The following MAD1L1 variants were observed in gnomAD, a reference collection of about 807,000 sequenced individuals.
MAD1L1 encodes the protein mitotic arrest deficient 1 like 1, also known as mitotic spindle assembly checkpoint protein MAD1.
A neutral mutation model predicts 96.9 loss-of-function variants in MAD1L1; 95 were observed. The observed-to-expected ratio is 0.98, with a 90% confidence interval of 0.83 to 1.16. The LOEUF (loss-of-function observed/expected upper bound fraction) is 1.16. Among genes scored for constraint, MAD1L1 ranks in the 50% most tolerant of loss-of-function variants. MAD1L1 has a pLI of 0.00. For missense variants in MAD1L1, 1,007 were observed against 954.4 expected (o/e 1.06, Z -0.73); for synonymous variants, 473 against 396.6 (o/e 1.19, Z -2.29).
intron 11 of MAD1L1, among the ~76,000 whole-genome samples, chr7:2,071,794 G>A (rs1372053087): frequency 2.3e-4 from 35 of 151,914 alleles, no homozygotes; most frequent in Non-Finnish European, 1.2e-4. Context: ...AAACCCAAAG[G>A]TTTTCCACCA....
chr7:1,849,682 G>A (rs902730142), intron 18 of MAD1L1: 40 of 152,310 alleles, frequency 2.6e-4, no homozygotes, highest in African/African-American at 9.4e-4. Flanking sequence ...GCTCCCACCT[G>A]GGCTAAAGGT....
At position 2,079,417 on chromosome 7, in the gene MAD1L1, T is replaced by A. The variant is rs186766439; in HGVS notation, c.1074-10079A>T. On this transcript the variant is annotated intron_variant, in intron 11 of 18. Transcript: ENST00000265854. ...ACCAGAGAATGAGAAGACCAAAGGC[T>A]GAAATAATTACCAATCAAAGGAACG... Among the ~76,000 whole-genome samples, 52 of 152,316 alleles carry A rather than the reference T, an allele frequency of 3.4e-4. No homozygotes were observed. The East Asian group carries it at 7.9e-3, about 23-fold the overall frequency.
intron 18 of MAD1L1, among the ~76,000 whole-genome samples, chr7:1,833,674 C>G (rs1340441271): frequency 6.6e-6 from 1 of 152,248 alleles, no homozygotes; most frequent in Non-Finnish European, 1.5e-5. Context: ...GATGCAGTGG[C>G]TCACGCCTGT....
intron 1 of MAD1L1, among the ~76,000 whole-genome samples, 179 bp downstream of exon 1, chr7:2,232,693 A>G (rs1411474224): frequency 1.3e-5 from 2 of 152,148 alleles, no homozygotes; most frequent in African/African-American, 4.8e-5. Context: ...GGGAGAGCAC[A>G]GAGAGGAGAG....
intron 10 of MAD1L1, among the ~76,000 whole-genome samples, chr7:2,155,353 G>A (rs923243724): frequency 6.6e-6 from 1 of 152,166 alleles, no homozygotes; most frequent in Non-Finnish European, 1.5e-5. Context: ...CCATTTTTAA[G>A]TCCCCAGTTC....
chr7:1,901,331 T>C (rs1338484442), intron 17 of MAD1L1, among the ~76,000 whole-genome samples: 3 of 152,184 alleles, frequency 2.0e-5, no homozygotes, highest in African/African-American at 7.2e-5. Flanking sequence ...TCTCACGTGG[T>C]CTCCTCCCAA....
chr7:2,225,272 AAG>A, intron 4 of MAD1L1, 136 bp downstream of exon 4: 3 of 444,910 alleles, frequency 6.7e-6, no homozygotes, highest in South Asian at 2.8e-5. Context: ...CTGATTTCTT[AAG>A]ACCTGGCAGG....
At chr7:2,198,704 G>T (rs1052799660) in intron 10 of MAD1L1, among the ~76,000 whole-genome samples, 1 of 152,220 alleles carries the variant, frequency 6.6e-6, no homozygotes, top group Non-Finnish European at 1.5e-5. Flanking sequence ...CAGTTCTCCT[G>T]CCGCTGAGTG....
chr7:1,963,209 G>A (rs1396986004), intron 15 of MAD1L1, among the ~76,000 whole-genome samples: 4 of 152,188 alleles, frequency 2.6e-5, no homozygotes, highest in South Asian at 4.1e-4. Flanking sequence ...GCAAGGGAAC[G>A]TATAAACTGG....
At chr7:1,965,816 C>G (rs1356922838) in intron 15 of MAD1L1, among the ~76,000 whole-genome samples, 1 of 152,284 alleles carries the variant, frequency 6.6e-6, no homozygotes, top group African/African-American at 2.4e-5. Context: ...TGGGCCCAAC[C>G]TCCATGACAC....
chr7:2,033,049 G>A (rs1783301386), intron 12 of MAD1L1, among the ~76,000 whole-genome samples: 1 of 152,258 alleles, frequency 6.6e-6, no homozygotes, highest in Non-Finnish European at 1.5e-5. Flanking sequence ...AGGACACCCA[G>A]CTGACGCTGC....
chr7:1,907,663 G>C (rs754395015), intron 17 of MAD1L1, among the ~76,000 whole-genome samples: 2 of 152,234 alleles, frequency 1.3e-5, no homozygotes, highest in Non-Finnish European at 2.9e-5. Context: ...TCCTCCCTGG[G>C]TGTGGCAGGA....
intron 14 of MAD1L1, chr7:1,980,780 A>G (rs1344411964): frequency 1.6e-6 from 1 of 624,910 alleles, no homozygotes; most frequent in Admixed American, 2.1e-5. Flanking sequence ...ACAGATGCAC[A>G]GGCTCACGGT....
At chr7:1,875,265 G>A (rs1254956644) in intron 18 of MAD1L1, among the ~76,000 whole-genome samples, 1 of 152,204 alleles carries the variant, frequency 6.6e-6, no homozygotes, top group Admixed American at 6.5e-5. Flanking sequence ...TGTGCACACC[G>A]AGGCCAGCTG....
chr7:2,090,257 G>A (rs1195675955), intron 11 of MAD1L1, among the ~76,000 whole-genome samples: 5 of 152,216 alleles, frequency 3.3e-5, no homozygotes, highest in Admixed American at 2.0e-4. Context: ...AGTCACCGGC[G>A]CTCGGGGAGG....
At chr7:1,980,652 T>C (rs1308090338) in intron 14 of MAD1L1, 111 bp from the exon 15 acceptor site, 1 of 840,154 alleles carries the variant, frequency 1.2e-6, no homozygotes, top group South Asian at 1.4e-5. Flanking sequence ...CGCCCTGGGC[T>C]GGGAGCTGCG....
intron 18 of MAD1L1, among the ~76,000 whole-genome samples, chr7:1,833,690 C>T (rs1332895061): frequency 6.6e-6 from 1 of 152,216 alleles, no homozygotes; most frequent in African/African-American, 2.4e-5. Context: ...CCTGTAATCC[C>T]AGCACTTTGG....
chr7:1,968,569 G>T lies in MAD1L1; in HGVS notation c.1506-10850C>A, dbSNP rs960610938. 6.6e-6 allele frequency among the ~76,000 whole-genome samples: 1 copy of T among 151,880 alleles called. No individual in the cohort carries two copies. Among genetic ancestry groups the T allele is most frequent in the Non-Finnish European group, 1.5e-5 (1 of 67,968 alleles). ...TCCACCATCAACGCCTCAGTCCAGC[G>T]GTCAGGTCCACTGTCCACGCCTCAG... On this transcript the variant is annotated intron_variant, in intron 15 of 18. Transcript: ENST00000265854. The surrounding 1 kb of genome is among the most constrained non-coding windows in gnomAD (Gnocchi z 5.6).
chr7:1,948,385 G>C (rs756746658), intron 16 of MAD1L1, among the ~76,000 whole-genome samples: 1 of 152,044 alleles, frequency 6.6e-6, no homozygotes, highest in Admixed American at 6.5e-5. Context: ...GAGGCTAAGC[G>C]AGGGTTCACC....
Sources: allele counts gnomAD v4.1 joint callset (sites outside exome capture counted in the v4.1 genomes callset), GRCh38; gene constraint gnomAD v4.1.1; non-coding constraint Gnocchi (gnomAD v3.1); transcripts MANE v1.5; gene names NCBI Gene and HGNC (gene_info 2026-07-23, HGNC 2026-07-21).